The following TENM1 variants were observed in gnomAD, a reference collection of about 807,000 sequenced individuals.
TENM1 encodes the protein teneurin transmembrane protein 1, also known as teneurin-1.
TENM1 carries 35 observed loss-of-function variants against 174.8 expected under a neutral mutation model. The ratio of observed to expected loss-of-function variants is 0.20; its 90% CI spans 0.15 to 0.27. The LOEUF is 0.27. Ranked by LOEUF, TENM1 falls within the 10% of genes least tolerant of loss-of-function variation. The pLI, the probability that TENM1 is intolerant of heterozygous loss-of-function variation, is 1.00. For missense variants in TENM1, 1,633 were observed against 2,130.1 expected (o/e 0.77, Z 4.59); for synonymous variants, 781 against 798.7 (o/e 0.98, Z 0.37).
At chrX:124,864,570 G>A (rs2056969570) in intron 3 of TENM1, among the ~76,000 whole-genome samples, 1 of 110,807 alleles carries the variant, frequency 9.0e-6, no homozygotes, top group Non-Finnish European at 1.9e-5. Context: ...AAAATAACAA[G>A]AACAAAAACA....
At chrX:124,916,679 A>C (rs1489208589) in intron 1 of TENM1, among the ~76,000 whole-genome samples, 1 of 111,054 alleles carries the variant, frequency 9.0e-6, no homozygotes, top group Non-Finnish European at 1.9e-5. Flanking sequence ...TGAGGGCTTC[A>C]CCCTCATGAC....
intron 11 of TENM1, among the ~76,000 whole-genome samples, chrX:124,601,282 T>C (rs1425855940): frequency 2.7e-5 from 3 of 111,388 alleles, no homozygotes; most frequent in Non-Finnish European, 5.7e-5. Context: ...TAAAAGCTCT[T>C]GAGAAGGATC....
intron 27 of TENM1, among the ~76,000 whole-genome samples, chrX:124,394,342 T>C (rs1300883770): frequency 1.8e-5 from 2 of 112,330 alleles, no homozygotes; most frequent in African/African-American, 6.5e-5. Flanking sequence ...ATAAAATGCA[T>C]ATATATTAAC....
intron 3 of TENM1, among the ~76,000 whole-genome samples, chrX:124,744,169 A>G (rs1188139892): frequency 8.9e-6 from 1 of 112,119 alleles, no homozygotes; most frequent in Non-Finnish European, 1.9e-5. Flanking sequence ...TCAAGAAAAA[A>G]AGATAAGGCT....
the TENM1 span, among the ~76,000 whole-genome samples, chrX:125,001,033 A>C: frequency 9.0e-6 from 1 of 110,928 alleles, no homozygotes; most frequent in African/African-American, 3.3e-5. Flanking sequence ...TCAGTATCCT[A>C]AAAGACTATA....
At chrX:124,923,166 A>G (rs2058047103) in intron 1 of TENM1, among the ~76,000 whole-genome samples, 1 of 111,803 alleles carries the variant, frequency 8.9e-6, no homozygotes, top group Non-Finnish European at 1.9e-5. Context: ...CAAATGCTTC[A>G]CATATCATTC....
At chrX:124,635,295 C>A (rs1003191677) in intron 11 of TENM1, among the ~76,000 whole-genome samples, 2 of 112,045 alleles carry the variant, frequency 1.8e-5, no homozygotes, top group African/African-American at 3.2e-5. Context: ...ATACTGATAT[C>A]TTTCTGATGG....
chrX:125,126,202 T>G, the TENM1 span, among the ~76,000 whole-genome samples: 2 of 111,891 alleles, frequency 1.8e-5, no homozygotes, highest in East Asian at 5.6e-4. Context: ...TAATTGCCTT[T>G]GAAGCTCCTG....
chrX:124,972,263 C>T, the TENM1 span, among the ~76,000 whole-genome samples: 1 of 110,722 alleles, frequency 9.0e-6, no homozygotes, highest in Non-Finnish European at 1.9e-5. Flanking sequence ...CATATTGATG[C>T]CATAAAACAA....
At chrX:124,380,909 T>C in exon 32 of TENM1, 1 of 1,211,769 alleles carries the variant, frequency 8.3e-7, no homozygotes, top group Non-Finnish European at 1.1e-6. Flanking sequence ...CACAGTGACA[T>C]TGACACCATT....
At chrX:124,788,862 G>A (rs1209643155) in intron 3 of TENM1, among the ~76,000 whole-genome samples, 1 of 111,943 alleles carries the variant, frequency 8.9e-6, no homozygotes, top group East Asian at 2.8e-4. Flanking sequence ...TACAATTCTG[G>A]GGTATGGAGG....
the TENM1 span, among the ~76,000 whole-genome samples, chrX:125,188,275 GTGAGGCTGCAGTGAGCTGTGAGGT>G: frequency 9.2e-6 from 1 of 108,599 alleles, no homozygotes; most frequent in African/African-American, 3.6e-5. Context: ...TGAGGCTGCA[GTGAGGCTGCAGTGAGCTGTGAGGT>G]TGAGGCTGCA....
At chrX:125,052,835 T>A in the TENM1 span, among the ~76,000 whole-genome samples, 618 of 112,171 alleles carry the variant, frequency 5.5e-3, 5 homozygotes, top group African/African-American at 0.018. Context: ...AAATTGTTGT[T>A]CCCTAAAGTA....
chrX:125,146,212 C>A, the TENM1 span, among the ~76,000 whole-genome samples: 2 of 110,904 alleles, frequency 1.8e-5, no homozygotes, highest in African/African-American at 3.3e-5. Flanking sequence ...AGTTGCTTTA[C>A]CAGATTATTG....
At chrX:124,486,862 C>T (rs2046964416) in intron 21 of TENM1, among the ~76,000 whole-genome samples, 1 of 111,911 alleles carries the variant, frequency 8.9e-6, no homozygotes, top group African/African-American at 3.2e-5. Context: ...CTTTCTCTAC[C>T]TGCAATTTGA....
intron 6 of TENM1, among the ~76,000 whole-genome samples, chrX:124,666,110 T>C (rs1023249248): frequency 1.8e-5 from 2 of 111,907 alleles, no homozygotes; most frequent in Non-Finnish European, 3.8e-5. Context: ...CAGCAGACAC[T>C]GACTAGAAAA....
intron 3 of TENM1, among the ~76,000 whole-genome samples, chrX:124,744,434 G>A (rs1044153088): frequency 1.1e-4 from 12 of 111,594 alleles, no homozygotes; most frequent in African/African-American, 3.6e-4. Flanking sequence ...GTTAGTATAC[G>A]GTATTAGTTA....
rs776288626 is a variant in TENM1 at position 124,530,510 on chromosome X, G to A, written c.2652-527C>T. Among the ~76,000 whole-genome samples the A allele has an allele frequency of 1.8e-3, 194 of 110,655 alleles. 1 individual carries two copies. Among genetic ancestry groups the A allele is most frequent in the African/African-American group, 5.9e-3 (180 of 30,473 alleles). ...ACTGACCGCCTTTTTCCTGCTTCTTGGTGTTCTCATCAGAGGTACTCAGCA... is the reference window on the plus strand; with the variant it reads ...ACTGACCGCCTTTTTCCTGCTTCTTAGTGTTCTCATCAGAGGTACTCAGCA... On this transcript the variant is annotated intron_variant, in intron 15 of 31. Coordinates refer to ENST00000422452, the Ensembl canonical transcript of TENM1.
At chrX:125,171,618 T>C in the TENM1 span, among the ~76,000 whole-genome samples, 1 of 111,043 alleles carries the variant, frequency 9.0e-6, no homozygotes, top group Non-Finnish European at 1.9e-5. Context: ...TCTTCCAGCA[T>C]GTGAGAATAC....
Sources: allele counts gnomAD v4.1 joint callset (sites outside exome capture counted in the v4.1 genomes callset), GRCh38; gene constraint gnomAD v4.1.1; transcripts MANE v1.5; gene names NCBI Gene and HGNC (gene_info 2026-07-23, HGNC 2026-07-21).